The following TIMP2 variants were observed in gnomAD, a reference collection of about 807,000 sequenced individuals.
TIMP2 encodes the protein metalloproteinase inhibitor 2.
TIMP2 carries 5 observed loss-of-function variants against 24.3 expected under a neutral mutation model. The observed-to-expected ratio is 0.21, with a 90% CI of 0.11 to 0.43. TIMP2 has a LOEUF of 0.43. TIMP2 is among the 20% of genes least tolerant of loss of function. TIMP2 has a pLI of 1.00. For synonymous variants in TIMP2, 130 were observed against 123.2 expected (o/e 1.06, Z -0.37); for missense variants, 221 against 297.5 (o/e 0.74, Z 1.89).
intron 3 of TIMP2, among the ~76,000 whole-genome samples, chr17:78,865,044 C>T (rs943247855): frequency 1.3e-5 from 2 of 151,728 alleles, no homozygotes; most frequent in African/African-American, 4.8e-5. Flanking sequence ...TTGTTGCCTC[C>T]GTCTCATAAA....
At position 78,854,921 on chromosome 17, in the gene TIMP2, C is replaced by CGGGGGGGGGGGTGGGGGG. The variant is rs2069511586; in HGVS notation, c.*745_*746insCCCCCCACCCCCCCCCCC. 1.0e-4 allele frequency: 4 copies of CGGGGGGGGGGGTGGGGGG among 39,090 alleles called. No homozygotes were observed. The highest frequency in any genetic ancestry group is 1.6e-4 in the Non-Finnish European group (3 of 19,168). 2.4% of individuals were successfully genotyped at this position (39,090 alleles called of 1,614,324 possible). ...TCCTGCAAGCTGGGGAGCATGTGGG[C>CGGGGGGGGGGGTGGGGGG]GGGGGGGGGGGGGTGGGGGGGTGGG... On this transcript the variant is annotated 3_prime_UTR_variant, in exon 5 of 5. Coordinates refer to ENST00000262768, the MANE Select transcript of TIMP2 (RefSeq NM_003255.5).
chr17:78,925,145 C>A lies in TIMP2; in HGVS notation c.-57G>T. On this transcript the variant is annotated 5_prime_UTR_variant, in exon 1 of 5. Transcript: ENST00000262768. The stretch of plus-strand genomic sequence containing the variant: ...GCCGCTGGGGGGTCCGGGCGCTGCT[C>A]GCGGCGGCGGGCTGGGGGCGCGGGC... 2.6e-6 allele frequency: 2 copies of A among 758,130 alleles called. No individual in the cohort carries two copies. Among genetic ancestry groups the A allele is most frequent in the Non-Finnish European group, 3.2e-6 (2 of 627,144 alleles). 47.0% of individuals were successfully genotyped at this position (758,130 alleles called of 1,614,324 possible).
chr17:78,887,523 T>A (rs1290052031), intron 1 of TIMP2, among the ~76,000 whole-genome samples: 1 of 152,162 alleles, frequency 6.6e-6, no homozygotes, highest in Non-Finnish European at 1.5e-5. Flanking sequence ...TAGCTGGGAC[T>A]ACAAGTGCGC....
intron 1 of TIMP2, among the ~76,000 whole-genome samples, chr17:78,921,069 C>T (rs964216992): frequency 3.9e-5 from 6 of 152,238 alleles, no homozygotes; most frequent in Non-Finnish European, 7.3e-5. Context: ...GCCGCCCCCT[C>T]GCATGGAAGG....
In TIMP2 at chr17:78,925,128, G is replaced by A. The variant is rs913056929; in HGVS notation, c.-40C>T. The A allele has an allele frequency of 8.1e-5, 69 of 853,056 alleles. No individual in the cohort carries two copies. The African/African-American group carries it at 1.2e-3, about 15-fold the overall frequency. The allele number at this position is 853,056 out of a possible 1,614,324, so 52.8% of individuals were successfully genotyped here. A position where few individuals can be genotyped will look rare whatever the true frequency, so the allele number is the denominator to read the frequency against. ...CTGGGCGGGCGGGGGCCGCCGCTGG[G>A]GGGTCCGGGCGCTGCTCGCGGCGGC... On this transcript the variant is annotated 5_prime_UTR_variant, in exon 1 of 5. Coordinates refer to ENST00000262768, the MANE Select transcript of TIMP2 (RefSeq NM_003255.5).
intron 1 of TIMP2, among the ~76,000 whole-genome samples, chr17:78,908,811 T>G (rs571051241): frequency 6.6e-6 from 1 of 152,320 alleles, no homozygotes; most frequent in African/African-American, 2.4e-5. Context: ...TGGAGCCAAC[T>G]GGGCCAAGTG....
At chr17:78,889,992 G>A (rs1291512522) in intron 1 of TIMP2, among the ~76,000 whole-genome samples, 6 of 152,018 alleles carry the variant, frequency 3.9e-5, no homozygotes, top group African/African-American at 7.2e-5. Flanking sequence ...GGTGGCAGGC[G>A]CCTATAATCC....
intron 1 of TIMP2, among the ~76,000 whole-genome samples, chr17:78,923,963 G>A (rs2070329334): frequency 6.6e-6 from 1 of 152,176 alleles, no homozygotes; most frequent in Non-Finnish European, 1.5e-5. Context: ...ACATAAGAAG[G>A]AAGGAGGGCA....
At chr17:78,870,820 G>GA in intron 3 of TIMP2, 78 bp downstream of exon 3, 2 of 1,305,722 alleles carry the variant, frequency 1.5e-6, no homozygotes, top group Non-Finnish European at 2.2e-6. Flanking sequence ...CCGAGCCTGG[G>GA]AAACGAGCCC....
intron 1 of TIMP2, among the ~76,000 whole-genome samples, chr17:78,888,697 T>C (rs1020736259): frequency 2.0e-5 from 3 of 152,196 alleles, no homozygotes; most frequent in African/African-American, 7.2e-5. Flanking sequence ...GTGATCCTCC[T>C]GCGCTGGCTT....
At chr17:78,866,307 C>T (rs1386477591) in intron 3 of TIMP2, among the ~76,000 whole-genome samples, 1 of 152,160 alleles carries the variant, frequency 6.6e-6, no homozygotes, top group African/African-American at 2.4e-5. Flanking sequence ...CCTGCCTCCT[C>T]TGTGTTTTTT....
intron 3 of TIMP2, among the ~76,000 whole-genome samples, chr17:78,868,234 T>C (rs2069635734): frequency 6.6e-6 from 1 of 152,036 alleles, no homozygotes; most frequent in South Asian, 2.1e-4. Flanking sequence ...AGGGGAATTG[T>C]CTTGTCTCTT....
At chr17:78,922,552 T>G (rs1205132740) in intron 1 of TIMP2, among the ~76,000 whole-genome samples, 1 of 152,216 alleles carries the variant, frequency 6.6e-6, no homozygotes, top group African/African-American at 2.4e-5. Context: ...GCGCGGTGGC[T>G]CACGCCTATA....
intron 1 of TIMP2, among the ~76,000 whole-genome samples, chr17:78,914,938 C>T (rs1175589054): frequency 2.0e-5 from 3 of 149,918 alleles, no homozygotes; most frequent in Admixed American, 6.7e-5. Flanking sequence ...GCTCTGTTGC[C>T]CAGGCTGGCA....
At chr17:78,917,758 G>A (rs2070271972) in intron 1 of TIMP2, among the ~76,000 whole-genome samples, 1 of 152,088 alleles carries the variant, frequency 6.6e-6, no homozygotes, top group Admixed American at 6.6e-5. Flanking sequence ...GACACTGATG[G>A]CATCCTTTCC....
intron 3 of TIMP2, among the ~76,000 whole-genome samples, chr17:78,864,138 T>C (rs1197738995): frequency 5.3e-5 from 8 of 152,166 alleles, no homozygotes; most frequent in Non-Finnish European, 1.0e-4. Context: ...TAGAGTGCAG[T>C]GGTGCAGTCC....
chr17:78,867,790 G>A (rs1226992645), intron 3 of TIMP2, among the ~76,000 whole-genome samples: 1 of 151,494 alleles, frequency 6.6e-6, no homozygotes, highest in Non-Finnish European at 1.5e-5. Context: ...CAGTGGAAAC[G>A]GGGTTTCACT....
chr17:78,860,964 A>C (rs536686573), intron 3 of TIMP2, among the ~76,000 whole-genome samples: 1 of 149,288 alleles, frequency 6.7e-6, no homozygotes, highest in African/African-American at 2.5e-5. Context: ...TGAACCCGGG[A>C]GGTGGAAGTT....
At chr17:78,865,624 C>CA (rs35179698) in intron 3 of TIMP2, among the ~76,000 whole-genome samples, 96,224 of 117,706 alleles carry the variant, frequency 0.82, 40,238 homozygotes, top group Non-Finnish European at 0.92. Flanking sequence ...AACTCTGTCT[C>CA]AAAAAAAAAA....
Sources: gnomAD v4.1 joint callset for allele counts (sites outside exome capture counted in the v4.1 genomes callset) on GRCh38, gnomAD v4.1.1 for gene constraint, MANE v1.5 for transcripts, NCBI Gene and HGNC (gene_info 2026-07-23, HGNC 2026-07-21) for gene names.